Variants in RNF128 observed in about 807,000 individuals in gnomAD.
RNF128 encodes E3 ubiquitin-protein ligase RNF128.
In RNF128, 13 loss-of-function variants were observed where a neutral mutation model predicts 26.2. The ratio of observed to expected loss-of-function variants is 0.50; its 90% CI spans 0.32 to 0.79. The LOEUF is 0.79. RNF128 is among the 30% of genes least tolerant of loss of function. The pLI, the probability that RNF128 is intolerant of heterozygous loss-of-function variation, is 0.03. For synonymous variants in RNF128, 149 were observed against 142.5 expected, an observed-to-expected ratio of 1.05 and a Z score of -0.32; for missense variants, 315 against 349.7, an observed-to-expected ratio of 0.90 and a Z score of 0.79.
At chrX:106,716,298 T>C (rs937992329) in intron 1 of RNF128, among the ~76,000 whole-genome samples, 8 of 111,572 alleles carry the variant, frequency 7.2e-5, no homozygotes, top group South Asian at 3.7e-4. Flanking sequence ...ACCAACGCAA[T>C]AACATGGATG....
intron 1 of RNF128, among the ~76,000 whole-genome samples, chrX:106,700,566 A>AG (rs747463519): frequency 8.9e-6 from 1 of 111,980 alleles, no homozygotes; most frequent in African/African-American, 3.2e-5. Flanking sequence ...TATTTTTTAA[A>AG]TTGTTTTTAT....
intron 1 of RNF128, among the ~76,000 whole-genome samples, chrX:106,736,731 T>G (rs972823529): frequency 4.5e-5 from 5 of 112,181 alleles, no homozygotes; most frequent in African/African-American, 1.3e-4. Flanking sequence ...GATACTGCTT[T>G]CTGAAAAGTT....
At chrX:106,773,715 T>C (rs370222953) in intron 2 of RNF128, among the ~76,000 whole-genome samples, 3 of 111,159 alleles carry the variant, frequency 2.7e-5, no homozygotes, top group Admixed American at 9.7e-5. Context: ...ATTAATAGTT[T>C]CTACCATATT....
At chrX:106,763,522 G>A (rs113866417) in intron 1 of RNF128, among the ~76,000 whole-genome samples, 8,781 of 112,262 alleles carry the variant, frequency 0.078, 834 homozygotes, top group African/African-American at 0.27. Context: ...TTTTGTTTTC[G>A]TTGAGACGGA....
At chrX:106,755,196 T>A (rs1929979932) in intron 1 of RNF128, among the ~76,000 whole-genome samples, 1 of 111,371 alleles carries the variant, frequency 9.0e-6, no homozygotes, top group Non-Finnish European at 1.9e-5. Context: ...GAACCTTCCA[T>A]GATTGGATCA....
At chrX:106,752,477 C>A (rs1156318913) in intron 1 of RNF128, among the ~76,000 whole-genome samples, 1 of 112,942 alleles carries the variant, frequency 8.9e-6, no homozygotes, top group East Asian at 2.8e-4. Flanking sequence ...GCAAGAGCCA[C>A]AGCGTTACTG....
chrX:106,740,211 T>C, intron 1 of RNF128, among the ~76,000 whole-genome samples: 1 of 111,658 alleles, frequency 9.0e-6, no homozygotes, highest in Non-Finnish European at 1.9e-5. Context: ...ATTTTTAGCC[T>C]CTGTTGTTGT....
chrX:106,741,224 A>G (rs1490581552), intron 1 of RNF128, among the ~76,000 whole-genome samples: 1 of 111,784 alleles, frequency 8.9e-6, no homozygotes, highest in African/African-American at 3.2e-5. Flanking sequence ...CCTCAGTATC[A>G]GCAGAAATTT....
upstream of RNF128, among the ~76,000 whole-genome samples, chrX:106,721,946 G>A (rs770325248): frequency 5.4e-5 from 6 of 111,817 alleles, no homozygotes; most frequent in East Asian, 1.7e-3. Flanking sequence ...TATAGTAAAT[G>A]CTCAATGAAC....
chrX:106,705,401 T>C (rs1929028437), intron 1 of RNF128, among the ~76,000 whole-genome samples: 1 of 112,254 alleles, frequency 8.9e-6, no homozygotes, highest in African/African-American at 3.2e-5. Context: ...TAAAAACTGG[T>C]AGAAACTTAG....
intron 4 of RNF128, among the ~76,000 whole-genome samples, chrX:106,789,030 T>C (rs1324492470): frequency 5.9e-5 from 5 of 84,322 alleles, no homozygotes; most frequent in Non-Finnish European, 8.8e-5. Flanking sequence ...TATAGTGAGA[T>C]AATATACCAT....
intron 1 of RNF128, among the ~76,000 whole-genome samples, chrX:106,735,114 T>C (rs903800931): frequency 9.0e-6 from 1 of 111,551 alleles, no homozygotes; most frequent in African/African-American, 3.3e-5. Context: ...TAGTTACTGC[T>C]TGAATTTACC....
intron 1 of RNF128, among the ~76,000 whole-genome samples, chrX:106,771,870 CCT>C (rs1326049185): frequency 2.7e-5 from 3 of 112,505 alleles, no homozygotes. Flanking sequence ...CATCTTGGAA[CCT>C]CCTCTAAAAG....
chrX:106,788,452 AT>A (rs1328012782), intron 4 of RNF128, among the ~76,000 whole-genome samples: 13 of 49,217 alleles, frequency 2.6e-4, no homozygotes, highest in African/African-American at 3.4e-4. Context: ...TATAATTATA[AT>A]ATATATAATA....
intron 4 of RNF128, among the ~76,000 whole-genome samples, chrX:106,789,625 A>G (rs1343334273): frequency 9.5e-6 from 1 of 105,316 alleles, no homozygotes; most frequent in Non-Finnish European, 1.9e-5. Context: ...GATTAATGTT[A>G]AATTTATTCT....
At chrX:106,737,975 G>A (rs1929629879) in intron 1 of RNF128, among the ~76,000 whole-genome samples, 1 of 111,922 alleles carries the variant, frequency 8.9e-6, no homozygotes, top group African/African-American at 3.2e-5. Flanking sequence ...GGTTGAACTG[G>A]CTAGTAAGAC....
At chrX:106,779,596 C>A (rs1193699753) in intron 2 of RNF128, among the ~76,000 whole-genome samples, 1 of 108,713 alleles carries the variant, frequency 9.2e-6, no homozygotes, top group Non-Finnish European at 1.9e-5. Flanking sequence ...GGGTGTTAAT[C>A]ACATTTCTTT....
chrX:106,768,601 T>C (rs1484558393), intron 1 of RNF128, among the ~76,000 whole-genome samples: 4 of 111,961 alleles, frequency 3.6e-5, no homozygotes, highest in Non-Finnish European at 7.5e-5. Flanking sequence ...TTGATTCTTC[T>C]CTCTTTTCTT....
intron 1 of RNF128, among the ~76,000 whole-genome samples, chrX:106,721,375 A>T (rs1185746958): frequency 1.8e-5 from 2 of 112,119 alleles, no homozygotes; most frequent in Admixed American, 9.5e-5. Flanking sequence ...CCTTGCAAAC[A>T]TATTAAAAGC....
Sources: allele counts gnomAD v4.1 joint callset (sites outside exome capture counted in the v4.1 genomes callset), GRCh38; gene constraint gnomAD v4.1.1; transcripts MANE v1.5; gene names NCBI Gene and HGNC (gene_info 2026-07-23, HGNC 2026-07-21).